Variants in FAM149B1 observed in about 807,000 individuals in gnomAD.
FAM149B1 encodes primary cilium assembly protein FAM149B1.
FAM149B1 carries 56 observed loss-of-function variants against 75.3 expected under a neutral mutation model. The ratio of observed to expected loss-of-function variants is 0.74; its 90% CI spans 0.60 to 0.93. FAM149B1 has a LOEUF of 0.93. Ranked by LOEUF, FAM149B1 falls within the 40% of genes least tolerant of loss-of-function variation. The probability of loss-of-function intolerance (pLI) is 0.00; values close to 1 mark genes in which losing one functional copy is unlikely to be tolerated. For missense variants in FAM149B1, 639 were observed against 708.4 expected (o/e 0.90, Z 1.11); for synonymous variants, 259 against 256.1 (o/e 1.01, Z -0.11).
rs1027433857 is a variant in FAM149B1 at position 73,243,590 on chromosome 10, G to A, written c.*2571G>A. 6.3e-7 allele frequency: 1 copy of A among 1,586,420 alleles called. No homozygotes were observed. The highest frequency in any genetic ancestry group is 1.4e-5 in the African/African-American group (1 of 73,490). On this transcript the variant is annotated 3_prime_UTR_variant, in exon 14 of 14. Coordinates refer to ENST00000242505, the MANE Select transcript of FAM149B1 (RefSeq NM_173348.2). The stretch of plus-strand genomic sequence containing the variant: ...ACAGAAAGTACCTAGTGGTTGCCAG[G>A]GGCTGGAAAAGTGGAATAACTACTA...
rs2043983965 is a variant in FAM149B1, at chr10:73,244,294, AAGACCTGCCTG to A, written c.*3276_*3286del. The A allele has an allele frequency of 5.1e-6, 1 of 197,016 alleles. No homozygotes were observed. The highest frequency in any genetic ancestry group is 5.8e-5 in the Admixed American group (1 of 17,252). The allele number at this position is 197,016 out of a possible 1,614,324, so 12.2% of individuals were successfully genotyped here. ...GAGGATCACTTGAACTCAGGAGTTC[AAGACCTGCCTG>A]GGTAACATAGTGAGACCTCAGTTCT... On this transcript the variant is annotated 3_prime_UTR_variant, in exon 14 of 14. Transcript: ENST00000242505.
rs190053784 is a variant in FAM149B1, at chr10:73,222,978, G to A, written c.899-5082G>A. On this transcript the variant is annotated intron_variant, in intron 7 of 13. Coordinates refer to ENST00000242505, the MANE Select transcript of FAM149B1 (RefSeq NM_173348.2). ...ACAAAAAGTAAAAATAATTAGCCAG[G>A]GCGTGGTGGTGCATGCCTGTAGTCC... 1.9e-3 allele frequency among the ~76,000 whole-genome samples: 292 copies of A among 152,146 alleles called. 3 individuals carry two copies. The highest frequency in any genetic ancestry group is 6.6e-3 in the African/African-American group (275 of 41,492).
chr10:73,215,037 G>C (rs937985151), intron 7 of FAM149B1, among the ~76,000 whole-genome samples: 2 of 152,004 alleles, frequency 1.3e-5, no homozygotes, highest in Non-Finnish European at 2.9e-5. Context: ...TTTTGGAACA[G>C]AGTCTCACTC....
intron 1 of FAM149B1, among the ~76,000 whole-genome samples, chr10:73,173,772 C>A (rs1037562102): frequency 6.6e-6 from 1 of 151,984 alleles, no homozygotes; most frequent in Admixed American, 6.6e-5. Context: ...TAAATTTTTT[C>A]GATATTTCTA....
chr10:73,192,045 G>A (rs997302825), intron 3 of FAM149B1, among the ~76,000 whole-genome samples: 1 of 151,808 alleles, frequency 6.6e-6, no homozygotes, highest in Non-Finnish European at 1.5e-5. Flanking sequence ...GATTACTGGT[G>A]TGTACTACCA....
intron 9 of FAM149B1, among the ~76,000 whole-genome samples, chr10:73,231,461 T>A (rs1439192969): frequency 6.6e-6 from 1 of 152,116 alleles, no homozygotes; most frequent in Non-Finnish European, 1.5e-5. Flanking sequence ...GTATGAATTT[T>A]GGTTTGGGAG....
chr10:73,216,578 G>C (rs2043303744), intron 7 of FAM149B1, among the ~76,000 whole-genome samples: 1 of 152,168 alleles, frequency 6.6e-6, no homozygotes, highest in African/African-American at 2.4e-5. Context: ...ACCTCTCTTA[G>C]GTGAGCAGTA....
chr10:73,228,232 G>C (rs766810522), intron 8 of FAM149B1, 48 bp downstream of exon 8: 1 of 1,519,494 alleles, frequency 6.6e-7, no homozygotes, highest in East Asian at 2.5e-5. Flanking sequence ...ACTCTCACCA[G>C]AGGAAATTTG....
intron 1 of FAM149B1, among the ~76,000 whole-genome samples, chr10:73,169,713 T>C (rs1214526782): frequency 6.6e-6 from 1 of 152,200 alleles, no homozygotes; most frequent in Non-Finnish European, 1.5e-5. Context: ...GTTCTCCCAC[T>C]TTGGCCTCCC....
chr10:73,216,418 C>T (rs1383238628), intron 7 of FAM149B1, among the ~76,000 whole-genome samples: 4 of 151,962 alleles, frequency 2.6e-5, no homozygotes, highest in East Asian at 3.9e-4. Flanking sequence ...ATATGTGAGA[C>T]TTTGTTTCTG....
chr10:73,232,090 A>G (rs2133403474), intron 9 of FAM149B1, among the ~76,000 whole-genome samples: 1 of 152,310 alleles, frequency 6.6e-6, no homozygotes, highest in Middle Eastern at 3.4e-3. Context: ...AGGTTGAGGA[A>G]CTTGCTGAAA....
At chr10:73,175,058 A>T (rs752174788) in intron 2 of FAM149B1, among the ~76,000 whole-genome samples, 13 of 152,218 alleles carry the variant, frequency 8.5e-5, no homozygotes, top group Non-Finnish European at 1.5e-4. Flanking sequence ...AAACAAACAA[A>T]CACACAAACA....
At chr10:73,182,828 C>T (rs550407902) in intron 3 of FAM149B1, among the ~76,000 whole-genome samples, 17 of 152,266 alleles carry the variant, frequency 1.1e-4, no homozygotes, top group African/African-American at 2.9e-4. Context: ...CACATAAACC[C>T]GGAGAGATAA....
At chr10:73,170,452 C>T (rs184788769) in intron 1 of FAM149B1, among the ~76,000 whole-genome samples, 4 of 151,192 alleles carry the variant, frequency 2.6e-5, no homozygotes, top group African/African-American at 9.7e-5. Flanking sequence ...TGCCGTGAGC[C>T]GAGATCACAC....
chr10:73,230,667 G>GTCTCC, intron 9 of FAM149B1, 142 bp downstream of exon 9: 2 of 587,692 alleles, frequency 3.4e-6, no homozygotes, highest in African/African-American at 1.9e-5. Context: ...AAGGGACATG[G>GTCTCC]TCTCCACCAT....
At chr10:73,211,505 A>C (rs574352428) in intron 7 of FAM149B1, among the ~76,000 whole-genome samples, 17 of 152,294 alleles carry the variant, frequency 1.1e-4, no homozygotes, top group African/African-American at 4.1e-4. Context: ...ATATGGAATG[A>C]CCCATATATT....
chr10:73,224,911 C>T (rs1297246123), intron 7 of FAM149B1, among the ~76,000 whole-genome samples: 1 of 152,122 alleles, frequency 6.6e-6, no homozygotes. Flanking sequence ...GTATACAGTC[C>T]TGTGTGGCAT....
chr10:73,218,337 GC>G (rs895837472), intron 7 of FAM149B1, among the ~76,000 whole-genome samples: 5 of 152,284 alleles, frequency 3.3e-5, no homozygotes, highest in African/African-American at 1.2e-4. Context: ...TGTGTTTGTA[GC>G]TAAGTAGTTC....
At chr10:73,175,102 C>G (rs1273377383) in intron 2 of FAM149B1, among the ~76,000 whole-genome samples, 2 of 152,064 alleles carry the variant, frequency 1.3e-5, no homozygotes, top group Non-Finnish European at 2.9e-5. Context: ...TTGGTACTTA[C>G]AATCCCAGCA....
Sources: gnomAD v4.1 joint callset for allele counts (sites outside exome capture counted in the v4.1 genomes callset) on GRCh38, gnomAD v4.1.1 for gene constraint, MANE v1.5 for transcripts, NCBI Gene and HGNC (gene_info 2026-07-23, HGNC 2026-07-21) for gene names.